The following NRF1 variants were observed in gnomAD, a reference collection of about 807,000 sequenced individuals.
The protein encoded by NRF1 is alpha palindromic-binding protein.
Under a neutral mutation model 58.5 loss-of-function variants are expected in NRF1, and 5 were observed. That is an observed-to-expected ratio of 0.09 (90% CI 0.04 to 0.18). The LOEUF (loss-of-function observed/expected upper bound fraction) is 0.18. Among genes scored for constraint, NRF1 ranks in the 10% least tolerant of loss-of-function variants. The pLI, the probability that NRF1 is intolerant of heterozygous loss-of-function variation, is 1.00. For synonymous variants in NRF1, 224 were observed against 246.7 expected (o/e 0.91, Z 0.86); for missense variants, 288 against 657.7 (o/e 0.44, Z 6.15).
chr7:129,668,115 T>C (rs1801963029), intron 2 of NRF1, among the ~76,000 whole-genome samples: 1 of 152,196 alleles, frequency 6.6e-6, no homozygotes, highest in Non-Finnish European at 1.5e-5. Context: ...CTGTAATTTA[T>C]TTTTGTATGT....
intron 2 of NRF1, among the ~76,000 whole-genome samples, chr7:129,669,134 A>T (rs546330300): frequency 5.3e-5 from 8 of 152,080 alleles, no homozygotes; most frequent in Non-Finnish European, 1.0e-4. Flanking sequence ...TTTAGTAGAG[A>T]TGGGGTTTCA....
intron 10 of NRF1, among the ~76,000 whole-genome samples, chr7:129,734,368 C>T (rs1803656107): frequency 6.6e-6 from 1 of 152,218 alleles, no homozygotes; most frequent in Non-Finnish European, 1.5e-5. Flanking sequence ...CACTGTACTA[C>T]ACTGTCTCCC....
At chr7:129,684,341 T>C (rs1477678271) in intron 4 of NRF1, among the ~76,000 whole-genome samples, 2 of 152,154 alleles carry the variant, frequency 1.3e-5, no homozygotes, top group African/African-American at 2.4e-5. Context: ...AAGAAGAGAT[T>C]GAAAATTGTA....
intron 10 of NRF1, among the ~76,000 whole-genome samples, chr7:129,737,761 ATG>A (rs1389375854): frequency 6.6e-6 from 1 of 152,232 alleles, no homozygotes; most frequent in Non-Finnish European, 1.5e-5. Flanking sequence ...AAATAAATGA[ATG>A]TATTAAATAG....
intron 10 of NRF1, among the ~76,000 whole-genome samples, chr7:129,737,989 C>T (rs978781468): frequency 6.6e-6 from 1 of 152,150 alleles, no homozygotes; most frequent in African/African-American, 2.4e-5. Flanking sequence ...CCCCAAAGAG[C>T]AGCACAGCTG....
In NRF1 at chr7:129,756,808, G is replaced by A. The variant is rs998660461; in HGVS notation, c.*1627G>A. ...GTTCTTTATATGTTCTTTTCTGTAC[G>A]TAATGGGGGGAGGGGAGGGAAATTT... On this transcript the variant is annotated 3_prime_UTR_variant, in exon 11 of 11. Transcript: ENST00000393232. 2.6e-5 allele frequency: 4 copies of A among 152,300 alleles called. No individual in the cohort carries two copies. The highest frequency in any genetic ancestry group is 9.7e-5 in the African/African-American group (4 of 41,300). The allele number at this position is 152,300 out of a possible 1,614,324, so 9.4% of individuals were successfully genotyped here.
intron 5 of NRF1, among the ~76,000 whole-genome samples, chr7:129,706,570 A>G (rs991994859): frequency 3.9e-5 from 6 of 152,224 alleles, no homozygotes; most frequent in African/African-American, 1.4e-4. Context: ...GTGGTTTTCT[A>G]CTTGCTAAGA....
At position 129,709,063 on chromosome 7, in the gene NRF1, G is replaced by A. The variant is rs184389256; in HGVS notation, c.607-12G>A. 1.7e-4 allele frequency: 255 copies of A among 1,505,180 alleles called. No individual in the cohort carries two copies. Among genetic ancestry groups the A allele is most frequent in the Middle Eastern group, 1.6e-3 (9 of 5,620 alleles). 93.2% of individuals were successfully genotyped at this position (1,505,180 alleles called of 1,614,324 possible). On this transcript the variant is annotated splice_polypyrimidine_tract_variant and intron_variant, in intron 5 of 10. Transcript: ENST00000393232. ...TTTCATGAGTATTGATGACCACACT[G>A]TTCTCTTCCAGGCCCAGCTTCGGGC...
rs558547510 is a variant in NRF1 at position 129,658,561 on chromosome 7, A to G, written c.223+987A>G. Among the ~76,000 whole-genome samples, 81 of 151,696 alleles carry G rather than the reference A, an allele frequency of 5.3e-4. 2 individuals carry two copies. The highest frequency in any genetic ancestry group is 2.5e-3 in the South Asian group (12 of 4,774). On this transcript the variant is annotated intron_variant, in intron 2 of 10. Coordinates refer to ENST00000393232, the MANE Select transcript of NRF1 (RefSeq NM_005011.5). ...AGCTATGATTACACCACTGCACTAC[A>G]GCGTGAGTGACAGAGTGAGAGCCTG...
intron 5 of NRF1, among the ~76,000 whole-genome samples, chr7:129,703,068 G>A: frequency 6.6e-6 from 1 of 152,148 alleles, no homozygotes; most frequent in Non-Finnish European, 1.5e-5. Flanking sequence ...TAGAGTTTTA[G>A]AGAACCTTTT....
In NRF1 at chr7:129,660,664, C is replaced by T. The variant is rs115204236; in HGVS notation, c.223+3090C>T. Among the ~76,000 whole-genome samples, 656 of 150,998 alleles carry T rather than the reference C, an allele frequency of 4.3e-3. 48 individuals are homozygous for T. The highest frequency in any genetic ancestry group is 0.015 in the African/African-American group (612 of 40,306). On this transcript the variant is annotated intron_variant, in intron 2 of 10. Coordinates refer to ENST00000393232, the MANE Select transcript of NRF1 (RefSeq NM_005011.5). ...CATGCTGATACAAGAGGTGGGGTCC[C>T]ATGGTCTTGGACAGCTCTGCCCCCT...
intron 5 of NRF1, among the ~76,000 whole-genome samples, chr7:129,705,110 A>G (rs906458854): frequency 6.6e-6 from 1 of 152,184 alleles, no homozygotes; most frequent in Admixed American, 6.5e-5. Context: ...AATACTGGAG[A>G]AGTTGCTGAA....
At chr7:129,619,460 G>A (rs11760439) in intron 1 of NRF1, among the ~76,000 whole-genome samples, 6,958 of 38,312 alleles carry the variant, frequency 0.18, 461 homozygotes, top group Middle Eastern at 0.21. Context: ...ATATATACAC[G>A]TGTGTGTGTG....
intron 1 of NRF1, among the ~76,000 whole-genome samples, chr7:129,638,144 TGTG>T (rs1367437952): frequency 1.3e-5 from 2 of 152,012 alleles, no homozygotes; most frequent in Non-Finnish European, 2.9e-5. Flanking sequence ...GGTTGTGATA[TGTG>T]GTGTTTTTTT....
intron 1 of NRF1, among the ~76,000 whole-genome samples, chr7:129,615,812 C>G (rs1253549624): frequency 6.6e-6 from 1 of 152,140 alleles, no homozygotes; most frequent in Non-Finnish European, 1.5e-5. Flanking sequence ...TTTTATCCAT[C>G]AGTTTTCTAC....
At chr7:129,706,982 TTTTTGTTTTG>T (rs541695552) in intron 5 of NRF1, among the ~76,000 whole-genome samples, 14 of 151,910 alleles carry the variant, frequency 9.2e-5, no homozygotes, top group East Asian at 1.9e-4. Flanking sequence ...CGCTTTAGGA[TTTTTGTTTTG>T]TTTTGTTTTG....
At chr7:129,633,093 G>T (rs1014489345) in intron 1 of NRF1, among the ~76,000 whole-genome samples, 32 of 152,110 alleles carry the variant, frequency 2.1e-4, no homozygotes, top group South Asian at 4.1e-4. Flanking sequence ...GACATACTTG[G>T]TAAATTTACT....
At chr7:129,655,077 A>G (rs935048666) in intron 1 of NRF1, among the ~76,000 whole-genome samples, 2 of 152,216 alleles carry the variant, frequency 1.3e-5, no homozygotes, top group South Asian at 2.1e-4. Context: ...GTGTCTTCCT[A>G]TGCATGAACA....
chr7:129,748,149 CCTGT>C (rs1804024490), intron 10 of NRF1, among the ~76,000 whole-genome samples: 1 of 151,602 alleles, frequency 6.6e-6, no homozygotes, highest in Non-Finnish European at 1.5e-5. Context: ...GTGGTGCGCG[CCTGT>C]AATCCCAGCT....
Sources: allele counts gnomAD v4.1 joint callset (sites outside exome capture counted in the v4.1 genomes callset), GRCh38; gene constraint gnomAD v4.1.1; transcripts MANE v1.5; gene names NCBI Gene and HGNC (gene_info 2026-07-23, HGNC 2026-07-21).